The following CMBL variants were observed in gnomAD, a reference collection of about 807,000 sequenced individuals.
CMBL encodes carboxymethylenebutenolidase homolog, also known as carboxymethylenebutenolidase homolog (Pseudomonas).
A neutral mutation model predicts 28.7 loss-of-function variants in CMBL; 17 were observed. The observed-to-expected ratio is 0.59, with a 90% CI of 0.41 to 0.89. CMBL has a LOEUF of 0.89. Among genes scored for constraint, CMBL ranks in the 40% least tolerant of loss-of-function variants. The pLI is 0.00. For missense variants in CMBL, 310 were observed against 298.5 expected, an observed-to-expected ratio of 1.04 and a Z score of -0.28; for synonymous variants, 106 against 101.6, an observed-to-expected ratio of 1.04 and a Z score of -0.26.
rs1303070954 is a variant in CMBL at position 10,278,940 on chromosome 5, C to G, written c.*1513G>C. Among the ~76,000 whole-genome samples, 1 of 152,138 alleles carries G rather than the reference C, an allele frequency of 6.6e-6. No individual in the cohort carries two copies. Among genetic ancestry groups the G allele is most frequent in the Non-Finnish European group, 1.5e-5 (1 of 68,028 alleles). ...TCCCATGAAAGGCACATGGGAAACACCCACGACCACATCCCCAGGATCCCC... is the reference window on the plus strand; with the variant it reads ...TCCCATGAAAGGCACATGGGAAACAGCCACGACCACATCCCCAGGATCCCC... On this transcript the variant is annotated 3_prime_UTR_variant, in exon 6 of 6. Transcript: ENST00000296658.
chr5:10,285,252 T>C lies in CMBL; in HGVS notation c.466+1102A>G, dbSNP rs188346185. 2.0e-5 allele frequency among the ~76,000 whole-genome samples: 3 copies of C among 152,366 alleles called. No homozygotes were observed. The East Asian group carries it at 5.8e-4, about 29-fold the overall frequency. ...GGCACAATCTTGGTTCACAGCAACC[T>C]CCACCTCCCGGGTTCAAGCGATTCT... On this transcript the variant is annotated intron_variant, in intron 4 of 5. Coordinates refer to ENST00000296658, the MANE Select transcript of CMBL (RefSeq NM_138809.4).
chr5:10,297,151 C>T (rs772926364), intron 1 of CMBL, among the ~76,000 whole-genome samples: 1 of 148,190 alleles, frequency 6.7e-6, no homozygotes, highest in Non-Finnish European at 1.5e-5. Context: ...CGCCATTGCA[C>T]TGCAGCCTAG....
At chr5:10,292,063 G>A (rs372977314) in intron 1 of CMBL, 3 of 152,322 alleles carry the variant, frequency 2.0e-5, no homozygotes, top group East Asian at 1.9e-4. Flanking sequence ...ATGAGGCGGC[G>A]AAAGTGGGAG....
intron 1 of CMBL, among the ~76,000 whole-genome samples, chr5:10,304,123 G>A (rs549314523): frequency 6.6e-6 from 1 of 152,112 alleles, no homozygotes; most frequent in South Asian, 2.1e-4. Flanking sequence ...CACTTTGGGA[G>A]GCCAAGACAG....
At chr5:10,303,513 T>G (rs903423019) in intron 1 of CMBL, among the ~76,000 whole-genome samples, 10 of 152,218 alleles carry the variant, frequency 6.6e-5, no homozygotes, top group Admixed American at 5.2e-4. Context: ...AGGATTGTAC[T>G]CTACTTGAAC....
chr5:10,306,463 G>A (rs7702941), intron 1 of CMBL, among the ~76,000 whole-genome samples: 112 of 152,154 alleles, frequency 7.4e-4, no homozygotes, highest in Middle Eastern at 3.4e-3. Flanking sequence ...GAGGAGAGGA[G>A]AGAAGGGAGG....
At chr5:10,282,332 A>G (rs748904899) in intron 4 of CMBL, 44 bp from the exon 5 acceptor site, 3 of 1,098,380 alleles carry the variant, frequency 2.7e-6, no homozygotes, top group South Asian at 2.5e-5. Context: ...CCCCACACTC[A>G]TGCCACATGA....
At position 10,278,429 on chromosome 5, in the gene CMBL, C is replaced by T. The variant is rs4452536; in HGVS notation, c.*2024G>A. The stretch of plus-strand genomic sequence containing the variant: ...CCACATGGACCATGCCGATATCCTA[C>T]CCACACCGACCCCTCTCAGTCACAG... On this transcript the variant is annotated 3_prime_UTR_variant, in exon 6 of 6. Transcript: ENST00000296658. Among the ~76,000 whole-genome samples, 1,323 of 152,192 alleles carry T rather than the reference C, an allele frequency of 8.7e-3. 22 individuals are homozygous for T. Among genetic ancestry groups the T allele is most frequent in the African/African-American group, 0.03 (1,247 of 41,506 alleles).
intron 1 of CMBL, among the ~76,000 whole-genome samples, chr5:10,294,658 A>G (rs1390179566): frequency 6.6e-6 from 1 of 152,186 alleles, no homozygotes; most frequent in Non-Finnish European, 1.5e-5. Flanking sequence ...GGCTCCAGCA[A>G]CAATCCAGCC....
At chr5:10,291,254 G>C (rs1417958277) in intron 1 of CMBL, among the ~76,000 whole-genome samples, 3 of 152,202 alleles carry the variant, frequency 2.0e-5, no homozygotes, top group Admixed American at 1.3e-4. Context: ...GAGCCCCAAA[G>C]GTTCATGTCT....
intron 1 of CMBL, among the ~76,000 whole-genome samples, chr5:10,298,303 T>C (rs1420425719): frequency 1.3e-5 from 2 of 152,204 alleles, no homozygotes; most frequent in African/African-American, 2.4e-5. Context: ...ACTTTTTTCT[T>C]GTACTTTGGA....
In CMBL at chr5:10,290,971, C is replaced by T. The variant is rs551436450; in HGVS notation, c.-19-190G>A. ...AGTAAGGCTATAGACACTAGAAATG[C>T]CGGATTGAATAACAACAAAACAACA... On this transcript the variant is annotated intron_variant, in intron 1 of 5. Coordinates refer to ENST00000296658, the MANE Select transcript of CMBL (RefSeq NM_138809.4). Among the ~76,000 whole-genome samples, 263 of 152,210 alleles carry T rather than the reference C, an allele frequency of 1.7e-3. 5 individuals carry two copies. The highest frequency in any genetic ancestry group is 1.6e-3 in the Non-Finnish European group (107 of 68,024).
At chr5:10,282,473 C>A (rs1334186440) in intron 4 of CMBL, among the ~76,000 whole-genome samples, 185 bp from the exon 5 acceptor site, 4 of 152,148 alleles carry the variant, frequency 2.6e-5, no homozygotes, top group African/African-American at 9.7e-5. Context: ...ACAGAAGTGG[C>A]CCCACTTGTA....
At position 10,284,924 on chromosome 5, in the gene CMBL, GT is replaced by G. The variant is rs540670217; in HGVS notation, c.466+1429del. The stretch of plus-strand genomic sequence containing the variant: ...TTATTTCATTGCTGTAGTAACTTTG[GT>G]TTGTTTTGGCCAAAAATGTATAAAT... On this transcript the variant is annotated intron_variant, in intron 4 of 5. Transcript: ENST00000296658. 3.3e-5 allele frequency among the ~76,000 whole-genome samples: 5 copies of G among 151,564 alleles called. No homozygotes were observed. The East Asian group carries it at 9.7e-4, about 29-fold the overall frequency.
At position 10,297,184 on chromosome 5, in the gene CMBL, C is replaced by CA. The variant is rs34069848; in HGVS notation, c.-19-6404dup. ...TAGGCAATAGAGTGAGACTCCATCTCAAAAAAAAAAAAGAGAGAGAGAGAG... is the reference window on the plus strand; with the variant it reads ...TAGGCAATAGAGTGAGACTCCATCTCAAAAAAAAAAAAAGAGAGAGAGAGAG... On this transcript the variant is annotated intron_variant, in intron 1 of 5. Transcript: ENST00000296658. Among the ~76,000 whole-genome samples, 89 of 141,120 alleles carry CA rather than the reference C, an allele frequency of 6.3e-4. 1 individual carries two copies. The highest frequency in any genetic ancestry group is 1.9e-3 in the African/African-American group (72 of 37,804). The allele number at this position is 141,120 out of a possible 152,430, so 92.6% of individuals were successfully genotyped here.
Position 10,290,638 on chromosome 5 carries a change from C to G in CMBL, c.125G>C (p.Gly42Ala), listed in dbSNP as rs1259183864. Residue 42 changes from glycine to alanine, a missense_variant, in exon 2 of 6, where the codon GGC becomes GCC. Gly to Ala is a moderately conservative substitution (Grantham distance 60). Transcript: ENST00000296658. ...ATCTTGAATGACAATCACAGCTTTG[C>G]CTGCATCAACGGGGGATTTGGTGAC... ...AYVTKSPVDA[G>A]KAVIVIQDIF... 6.2e-7 allele frequency: 1 copy of G among 1,614,162 alleles called. No individual in the cohort carries two copies. The highest frequency in any genetic ancestry group is 8.5e-7 in the Non-Finnish European group (1 of 1,180,028).
At chr5:10,280,674 A>T in intron 5 of CMBL, 42 bp from the exon 6 acceptor site, 1 of 1,514,628 alleles carries the variant, frequency 6.6e-7, no homozygotes. Flanking sequence ...CTTTAGTGAT[A>T]CTTTCCATTC....
In CMBL at chr5:10,280,398, T is replaced by C. The variant is rs1384981511; in HGVS notation, c.*55A>G. ...AATTAAATCAAATGATCTAACTATT[T>C]CCAAGCAAATTTTGGGATGAAAGCT... On this transcript the variant is annotated 3_prime_UTR_variant, in exon 6 of 6. Transcript: ENST00000296658. 3 of 1,390,140 alleles carry C rather than the reference T, an allele frequency of 2.2e-6. No homozygotes were observed. The African/African-American group carries it at 4.3e-5, about 20-fold the overall frequency. The allele number at this position is 1,390,140 out of a possible 1,614,324, so 86.1% of individuals were successfully genotyped here.
chr5:10,307,027 T>C (rs1747011299), intron 1 of CMBL, among the ~76,000 whole-genome samples: 1 of 152,208 alleles, frequency 6.6e-6, no homozygotes, highest in Non-Finnish European at 1.5e-5. Flanking sequence ...TTCCAAGGCC[T>C]GCCCGACCCA....
Sources: allele counts gnomAD v4.1 joint callset (sites outside exome capture counted in the v4.1 genomes callset), GRCh38; gene constraint gnomAD v4.1.1; transcripts MANE v1.5; gene names NCBI Gene and HGNC (gene_info 2026-07-23, HGNC 2026-07-21).